The following MTX2 variants were observed in gnomAD, a reference collection of about 807,000 sequenced individuals.
The protein encoded by MTX2 is metaxin 2, also known as metaxin-2.
MTX2 carries 35 observed loss-of-function variants against 42.3 expected under a neutral mutation model. That is an observed-to-expected ratio of 0.83 (90% CI 0.63 to 1.10). MTX2 has a LOEUF of 1.10. Among genes scored for constraint, MTX2 ranks in the 50% least tolerant of loss-of-function variants. The pLI, the probability that MTX2 is intolerant of heterozygous loss-of-function variation, is 0.00. For missense variants in MTX2, 307 were observed against 304.1 expected (o/e 1.01, Z -0.07); for synonymous variants, 119 against 100.9 (o/e 1.18, Z -1.08).
At chr2:176,283,111 C>A (rs1196465764) in intron 1 of MTX2, among the ~76,000 whole-genome samples, 1 of 152,162 alleles carries the variant, frequency 6.6e-6, no homozygotes, top group African/African-American at 2.4e-5. Context: ...ACATAACTCA[C>A]ACAATAAGTT....
At chr2:176,323,323 G>A in intron 3 of MTX2, 69 bp from the exon 4 acceptor site, 2 of 1,246,526 alleles carry the variant, frequency 1.6e-6, no homozygotes, top group Admixed American at 1.7e-5. Context: ...GAAAAGAAAT[G>A]CATACAAATT....
intron 3 of MTX2, among the ~76,000 whole-genome samples, chr2:176,302,190 G>A (rs1276077168): frequency 5.4e-5 from 8 of 149,412 alleles, no homozygotes; most frequent in Admixed American, 1.3e-4. Context: ...GTTTTTTAGA[G>A]TGTCTCAAAC....
At chr2:176,311,677 G>A (rs1266627594) in intron 3 of MTX2, among the ~76,000 whole-genome samples, 9 of 152,226 alleles carry the variant, frequency 5.9e-5, no homozygotes, top group Non-Finnish European at 1.3e-4. Flanking sequence ...CTAGCAGTGA[G>A]CAAGGCTCTG....
intron 1 of MTX2, among the ~76,000 whole-genome samples, chr2:176,285,941 T>G (rs1033335933): frequency 2.0e-5 from 3 of 152,216 alleles, no homozygotes; most frequent in Non-Finnish European, 4.4e-5. Context: ...ATTCTGTGTT[T>G]AACATTTTGA....
chr2:176,294,494 C>T (rs765853994), intron 1 of MTX2, among the ~76,000 whole-genome samples: 1 of 152,092 alleles, frequency 6.6e-6, no homozygotes, highest in African/African-American at 2.4e-5. Context: ...CCAGGCTGGT[C>T]TTGAACTCCT....
intron 9 of MTX2, among the ~76,000 whole-genome samples, chr2:176,332,939 A>G (rs931833366): frequency 4.6e-5 from 7 of 151,388 alleles, no homozygotes; most frequent in African/African-American, 1.7e-4. Flanking sequence ...TAAATGGAAA[A>G]TGTTAGGAAA....
At chr2:176,315,274 C>A (rs745640511) in intron 3 of MTX2, among the ~76,000 whole-genome samples, 2 of 152,220 alleles carry the variant, frequency 1.3e-5, no homozygotes, top group Admixed American at 1.3e-4. Flanking sequence ...GCTCACCCCA[C>A]AGTTTTTCCT....
rs921860439 is a variant in MTX2, at chr2:176,312,073, T to C, written c.136-11319T>C. On this transcript the variant is annotated intron_variant, in intron 3 of 9. Transcript: ENST00000249442. ...CATTATTAATAGTTTTTAAGTTGAATTCCTGTTACTGTTTTCTAAAGCAGT... is the reference window on the plus strand; with the variant it reads ...CATTATTAATAGTTTTTAAGTTGAACTCCTGTTACTGTTTTCTAAAGCAGT... Among the ~76,000 whole-genome samples, 7 of 152,240 alleles carry C rather than the reference T, an allele frequency of 4.6e-5. No individual in the cohort carries two copies. The East Asian group carries it at 1.3e-3, about 29-fold the overall frequency.
chr2:176,326,251 A>G (rs549332968), intron 4 of MTX2, among the ~76,000 whole-genome samples: 2 of 151,814 alleles, frequency 1.3e-5, no homozygotes, highest in African/African-American at 4.8e-5. Context: ...CTGTATTACA[A>G]CTCACCAACT....
intron 3 of MTX2, among the ~76,000 whole-genome samples, chr2:176,305,779 A>G (rs1198375477): frequency 6.6e-6 from 1 of 152,144 alleles, no homozygotes; most frequent in Non-Finnish European, 1.5e-5. Context: ...AGTTTCATTA[A>G]GGAAGGTCAG....
At position 176,269,592 on chromosome 2, in the gene MTX2, G is replaced by C. The variant is rs761409106; in HGVS notation, c.-38G>C. The stretch of plus-strand genomic sequence containing the variant: ...TGCGGTGGAGGACGCTGAGGCCCGT[G>C]GGGGGCAGGCACCCGGGCGCCGGGC... On this transcript the variant is annotated 5_prime_UTR_variant, in exon 1 of 10. Transcript: ENST00000249442. 1.9e-5 allele frequency: 29 copies of C among 1,562,826 alleles called. No homozygotes were observed. The highest frequency in any genetic ancestry group is 2.2e-5 in the Non-Finnish European group (25 of 1,158,420).
chr2:176,276,404 G>A (rs1393354073), intron 1 of MTX2, among the ~76,000 whole-genome samples: 1 of 152,052 alleles, frequency 6.6e-6, no homozygotes, highest in African/African-American at 2.4e-5. Context: ...ATTTATATAC[G>A]TAATTGCTAA....
intron 1 of MTX2, among the ~76,000 whole-genome samples, chr2:176,278,553 G>A (rs1693003343): frequency 6.6e-6 from 1 of 152,128 alleles, no homozygotes; most frequent in African/African-American, 2.4e-5. Flanking sequence ...GGTGATGGGT[G>A]CCCCATAAAA....
chr2:176,337,651 G>A lies in MTX2; in HGVS notation c.779G>A (p.Gly260Asp). 1 of 1,608,450 alleles carries A rather than the reference G, an allele frequency of 6.2e-7. No homozygotes were observed. The highest frequency in any genetic ancestry group is 8.5e-7 in the Non-Finnish European group (1 of 1,177,236). ...EQHYFEDRGK[G>D]RLS ...CACTATTTTGAAGATCGTGGTAAAG[G>A]CAGGCTGTCATAGAGTTATGTGTTA... Residue 260 changes from glycine (G) to aspartate (D), a missense_variant, in exon 10 of 10, where the codon GGC (glycine) becomes GAC (aspartate). By Grantham distance (94) the Gly-to-Asp change is moderately conservative (BLOSUM62 -1). Coordinates refer to ENST00000249442, the MANE Select transcript of MTX2 (RefSeq NM_006554.5).
At chr2:176,324,976 A>G (rs1684675329) in intron 4 of MTX2, among the ~76,000 whole-genome samples, 1 of 151,698 alleles carries the variant, frequency 6.6e-6, no homozygotes, top group Non-Finnish European at 1.5e-5. Context: ...GAGAGCATGG[A>G]CTAGTCAGAA....
intron 9 of MTX2, among the ~76,000 whole-genome samples, chr2:176,336,962 C>T (rs1003488702): frequency 2.0e-5 from 3 of 152,072 alleles, no homozygotes; most frequent in Non-Finnish European, 4.4e-5. Context: ...GGCATAATTG[C>T]TTACGTAAAC....
chr2:176,295,560 T>C (rs891440814), intron 1 of MTX2, among the ~76,000 whole-genome samples: 1 of 152,216 alleles, frequency 6.6e-6, no homozygotes, highest in East Asian at 1.9e-4. Flanking sequence ...TACAAAACTA[T>C]GTGTAGTTCA....
intron 4 of MTX2, among the ~76,000 whole-genome samples, 190 bp from the exon 5 acceptor site, chr2:176,326,635 A>G (rs1575060425): frequency 1.3e-5 from 2 of 151,644 alleles, no homozygotes; most frequent in South Asian, 4.1e-4. Context: ...CTTTTTTTCT[A>G]AAGTTGGTTA....
chr2:176,285,296 G>A (rs903828269), intron 1 of MTX2, among the ~76,000 whole-genome samples: 1 of 151,982 alleles, frequency 6.6e-6, no homozygotes, highest in Non-Finnish European at 1.5e-5. Flanking sequence ...TGTACAGTAA[G>A]TGCAATAAGT....
Sources: allele counts gnomAD v4.1 joint callset (sites outside exome capture counted in the v4.1 genomes callset), GRCh38; gene constraint gnomAD v4.1.1; transcripts MANE v1.5; gene names NCBI Gene and HGNC (gene_info 2026-07-23, HGNC 2026-07-21).